Variants in FAM220A observed in about 807,000 individuals in gnomAD.
FAM220A encodes the protein protein FAM220A.
For synonymous variants in FAM220A, 141 were observed against 130.7 expected (o/e 1.08, Z -0.54); for missense variants, 392 against 321.6 (o/e 1.22, Z -1.68).
chr7:6,340,636 G>A (rs1781833492), intron 1 of FAM220A, among the ~76,000 whole-genome samples: 1 of 152,000 alleles, frequency 6.6e-6, no homozygotes, highest in Admixed American at 6.6e-5. Flanking sequence ...GCTGGGCATG[G>A]TGGGATTATT....
intron 1 of FAM220A, among the ~76,000 whole-genome samples, chr7:6,344,761 G>C (rs1324183791): frequency 2.6e-5 from 4 of 151,940 alleles, no homozygotes; most frequent in Non-Finnish European, 5.9e-5. Flanking sequence ...TTTTTTTGGA[G>C]ACGGAGTCTC....
In FAM220A at chr7:6,329,833, C is replaced by T. The variant is rs1781592356; in HGVS notation, c.*542G>A. 1 of 167,414 alleles carries T rather than the reference C, an allele frequency of 6.0e-6. No individual in the cohort carries two copies. Among genetic ancestry groups the T allele is most frequent in the Admixed American group, 6.5e-5 (1 of 15,370 alleles). The allele number at this position is 167,414 out of a possible 1,614,324, so 10.4% of individuals were successfully genotyped here. A position where few individuals can be genotyped will look rare whatever the true frequency, so the allele number is the denominator to read the frequency against. The stretch of plus-strand genomic sequence containing the variant: ...AATATTGCAACTTTCACCACAGGGC[C>T]TCTGTCTAAATTGCATTTCAAGTGG... On this transcript the variant is annotated 3_prime_UTR_variant, in exon 2 of 2. Transcript: ENST00000313324.
At chr7:6,345,039 C>T (rs1004309145) in intron 1 of FAM220A, among the ~76,000 whole-genome samples, 4 of 151,990 alleles carry the variant, frequency 2.6e-5, no homozygotes, top group East Asian at 1.9e-4. Flanking sequence ...CCACCACGCC[C>T]GGCCACTGCG....
chr7:6,334,475 C>CA (rs1043692842), intron 1 of FAM220A, among the ~76,000 whole-genome samples: 6 of 151,658 alleles, frequency 4.0e-5, no homozygotes, highest in African/African-American at 1.2e-4. Context: ...GGCTCTGTCT[C>CA]AAAAAAAGAA....
intron 1 of FAM220A, among the ~76,000 whole-genome samples, chr7:6,343,821 T>C (rs1781908680): frequency 6.6e-6 from 1 of 152,076 alleles, no homozygotes; most frequent in Non-Finnish European, 1.5e-5. Flanking sequence ...CTAAACAAAT[T>C]TGGAAAATGG....
chr7:6,336,935 T>C (rs1781760279), intron 1 of FAM220A, among the ~76,000 whole-genome samples: 1 of 152,148 alleles, frequency 6.6e-6, no homozygotes, highest in East Asian at 1.9e-4. Flanking sequence ...ATTACAGGCG[T>C]GAGCCACCAT....
chr7:6,331,947 T>A (rs998412251), intron 1 of FAM220A, among the ~76,000 whole-genome samples: 1 of 151,608 alleles, frequency 6.6e-6, no homozygotes, highest in Non-Finnish European at 1.5e-5. Flanking sequence ...GGGTTCGCCA[T>A]GTTGGCCAGG....
In FAM220A at chr7:6,330,692, G is replaced by A. The variant is rs930489307; in HGVS notation, c.463C>T (p.Leu155=). 21 of 1,614,018 alleles carry A rather than the reference G, an allele frequency of 1.3e-5. No homozygotes were observed. The highest frequency in any genetic ancestry group is 5.0e-5 in the Admixed American group (3 of 59,980). ...CPKGEPRVSR[L]PRHQKVPEMG... is the part of the protein sequence containing the mutation. ...TCCGGCACTTTTTGATGGCGTGGCAGTCGTGACACCCGAGGCTCTCCTTTG... is the reference window on the plus strand; with the variant it reads ...TCCGGCACTTTTTGATGGCGTGGCAATCGTGACACCCGAGGCTCTCCTTTG... Residue 155 remains leucine, a synonymous_variant, in exon 2 of 2, where the codon CTG becomes TTG. Coordinates refer to ENST00000313324, the MANE Select transcript of FAM220A (RefSeq NM_001037163.2).
chr7:6,339,444 A>C (rs183202656), intron 1 of FAM220A, among the ~76,000 whole-genome samples: 1 of 152,128 alleles, frequency 6.6e-6, no homozygotes, highest in South Asian at 2.1e-4. Flanking sequence ...CTCCATAAAA[A>C]ATAAATCATC....
At chr7:6,332,487 A>G (rs1781656884) in intron 1 of FAM220A, among the ~76,000 whole-genome samples, 1 of 152,144 alleles carries the variant, frequency 6.6e-6, no homozygotes, top group Non-Finnish European at 1.5e-5. Flanking sequence ...GACACGTTAA[A>G]TGTAATTTTG....
chr7:6,347,419 G>A (rs1781974106), intron 1 of FAM220A, among the ~76,000 whole-genome samples: 1 of 152,134 alleles, frequency 6.6e-6, no homozygotes, highest in East Asian at 1.9e-4. Context: ...AGGAGGCTGA[G>A]TCAGGAGAAT....
At position 6,335,532 on chromosome 7, in the gene FAM220A, C is replaced by CATT. The variant is rs1781727932; in HGVS notation, c.-81-4298_-81-4297insAAT. Among the ~76,000 whole-genome samples the CATT allele has an allele frequency of 5.4e-5, 6 of 110,598 alleles. No individual in the cohort carries two copies. In the South Asian group the frequency reaches 8.7e-4, roughly 16 times the overall value. The allele number at this position is 110,598 out of a possible 152,430, so 72.6% of individuals were successfully genotyped here. A position where few individuals can be genotyped will look rare whatever the true frequency, so the allele number is the denominator to read the frequency against. On this transcript the variant is annotated intron_variant, in intron 1 of 1. Transcript: ENST00000313324. ...TGTGAGCCTCCGTGCCCAGCCTAGC[C>CATT]GTTAATATGTGAGAAAATATTAAAA... is the stretch of plus-strand genomic sequence containing the variant.
chr7:6,345,512 A>G (rs1200104775), intron 1 of FAM220A, among the ~76,000 whole-genome samples: 1 of 152,176 alleles, frequency 6.6e-6, no homozygotes, highest in African/African-American at 2.4e-5. Context: ...AGGGTAGACT[A>G]GAGAGGTGGT....
intron 1 of FAM220A, among the ~76,000 whole-genome samples, chr7:6,345,227 C>A (rs1781932189): frequency 6.6e-6 from 1 of 151,968 alleles, no homozygotes; most frequent in South Asian, 2.1e-4. Context: ...AAGCGATCCT[C>A]CCACCTCTGC....
At chr7:6,331,673 C>A in intron 1 of FAM220A, among the ~76,000 whole-genome samples, 1 of 152,038 alleles carries the variant, frequency 6.6e-6, no homozygotes, top group Non-Finnish European at 1.5e-5. Flanking sequence ...AGCCACCACG[C>A]CCGGCCTAGT....
chr7:6,348,698 A>G lies in FAM220A; in HGVS notation c.-207T>C, dbSNP rs755230742. The G allele has an allele frequency of 4.5e-6, 2 of 444,390 alleles. No homozygotes were observed. Among genetic ancestry groups the G allele is most frequent in the Non-Finnish European group, 4.0e-6 (1 of 250,646 alleles). 27.5% of individuals were successfully genotyped at this position (444,390 alleles called of 1,614,324 possible). On this transcript the variant is annotated 5_prime_UTR_variant, in exon 1 of 2. Coordinates refer to ENST00000313324, the MANE Select transcript of FAM220A (RefSeq NM_001037163.2). Reference sequence around the variant, plus strand: ...GTCAGCCCCTTGCAGAAGACCCCATAGGAGCGGGCGGCGGCCGAGCGCGAG... The same window carrying G: ...GTCAGCCCCTTGCAGAAGACCCCATGGGAGCGGGCGGCGGCCGAGCGCGAG...
Position 6,337,843 on chromosome 7 carries a change from A to G in FAM220A, c.-81-6608T>C, listed in dbSNP as rs181033358. On this transcript the variant is annotated intron_variant, in intron 1 of 1. Coordinates refer to ENST00000313324, the MANE Select transcript of FAM220A (RefSeq NM_001037163.2). ...TTTTGAGACAGAGTCTTGCTCTGTC[A>G]CCCAGGCTGGAGTGCAGTGGTGCAA... 5.0e-3 allele frequency among the ~76,000 whole-genome samples: 754 copies of G among 151,392 alleles called. 5 individuals are homozygous for G. The highest frequency in any genetic ancestry group is 8.9e-3 in the Non-Finnish European group (604 of 67,888).
At chr7:6,348,241 G>GGGGT (rs71008376) in intron 1 of FAM220A, among the ~76,000 whole-genome samples, 1 of 150,482 alleles carries the variant, frequency 6.6e-6, no homozygotes, top group East Asian at 2.0e-4. Flanking sequence ...AAGGGGGGGG[G>GGGGT]TTGCAAAGTT....
In FAM220A at chr7:6,330,898, A is replaced by C; in HGVS notation, c.257T>G (p.Val86Gly). ...TGGATTTCTTCTTACTGATTCTCTC[A>C]CATATGGAAGCACTGGGCCGCCACT... ...LHSGGPVLPY[V>G]RESVRRNPAS... is the part of the protein sequence containing the mutation. The change falls in exon 2 of 2, where the codon GTG (valine) becomes GGG (glycine). Residue 86 changes from valine to glycine, a missense_variant. Val to Gly is a moderately radical substitution (Grantham distance 109). Transcript: ENST00000313324. 3 of 1,614,140 alleles carry C rather than the reference A, an allele frequency of 1.9e-6. No individual in the cohort carries two copies. The South Asian group carries it at 3.3e-5, about 18-fold the overall frequency.
Sources: gnomAD v4.1 joint callset for allele counts (sites outside exome capture counted in the v4.1 genomes callset) on GRCh38, gnomAD v4.1.1 for gene constraint, MANE v1.5 for transcripts, NCBI Gene and HGNC (gene_info 2026-07-23, HGNC 2026-07-21) for gene names.